NXPH2: variants seen among roughly 807,000 people sequenced by gnomAD.
The protein encoded by NXPH2 is neurexophilin-2.
In NXPH2, 5 loss-of-function variants were observed where a neutral mutation model predicts 19.8. That is an observed-to-expected ratio of 0.25 (90% CI 0.13 to 0.53). The LOEUF (loss-of-function observed/expected upper bound fraction) is 0.53. Ranked by LOEUF, NXPH2 falls within the 20% of genes least tolerant of loss-of-function variation. NXPH2 has a pLI of 0.96. For synonymous variants in NXPH2, 154 were observed against 127.4 expected (o/e 1.21, Z -1.41); for missense variants, 289 against 322.8 (o/e 0.90, Z 0.80).
At chr2:138,710,799 C>G (rs1246643799) in intron 1 of NXPH2, among the ~76,000 whole-genome samples, 1 of 152,156 alleles carries the variant, frequency 6.6e-6, no homozygotes, top group Admixed American at 6.5e-5. Context: ...CGTCTGTTTT[C>G]CACCCTGCTG....
Position 138,750,238 on chromosome 2 carries a change from T to C in NXPH2, c.51+29953A>G, listed in dbSNP as rs115671829. On this transcript the variant is annotated intron_variant, in intron 1 of 1. Transcript: ENST00000272641. ...TTCTTTTATAGCTCACCATATACTA[T>C]GCTCAAAGAAGCATTTTGTGAATGT... is the stretch of plus-strand genomic sequence containing the variant. 7.2e-3 allele frequency among the ~76,000 whole-genome samples: 1,092 copies of C among 152,288 alleles called. 15 individuals carry two copies. Among genetic ancestry groups the C allele is most frequent in the African/African-American group, 0.025 (1,040 of 41,560 alleles).
intron 1 of NXPH2, among the ~76,000 whole-genome samples, chr2:138,673,869 T>C (rs934320837): frequency 4.6e-5 from 7 of 152,136 alleles, no homozygotes; most frequent in African/African-American, 1.4e-4. Context: ...TTCCCAACCT[T>C]TGGTACTATC....
intron 1 of NXPH2, among the ~76,000 whole-genome samples, chr2:138,675,356 A>G (rs556811270): frequency 6.6e-6 from 1 of 152,292 alleles, no homozygotes; most frequent in South Asian, 2.1e-4. Context: ...ACTCATAAAA[A>G]TTGAGCCCAT....
At chr2:138,719,937 T>G (rs940451564) in intron 1 of NXPH2, among the ~76,000 whole-genome samples, 42 of 152,266 alleles carry the variant, frequency 2.8e-4, no homozygotes, top group African/African-American at 9.4e-4. Flanking sequence ...TATAAAAAAA[T>G]TATTACATTA....
intron 1 of NXPH2, among the ~76,000 whole-genome samples, chr2:138,686,768 T>TCCGTC (rs1680662229): frequency 6.6e-6 from 1 of 152,190 alleles, no homozygotes; most frequent in Non-Finnish European, 1.5e-5. Context: ...GTTCTCATTG[T>TCCGTC]TCAATTCCCA....
intron 1 of NXPH2, among the ~76,000 whole-genome samples, chr2:138,761,829 A>G (rs1278190656): frequency 2.0e-5 from 3 of 152,258 alleles, no homozygotes; most frequent in African/African-American, 7.2e-5. Flanking sequence ...AAAGGCAGGC[A>G]TCTAAAGCTA....
chr2:138,730,750 G>A (rs1312312094), intron 1 of NXPH2, among the ~76,000 whole-genome samples: 1 of 152,098 alleles, frequency 6.6e-6, no homozygotes, highest in East Asian at 1.9e-4. Context: ...CTTCTCAGCG[G>A]GTGCTCTGTA....
Position 138,780,226 on chromosome 2 carries a change from G to A in NXPH2, c.16C>T (p.Leu6=). The A allele has an allele frequency of 6.8e-7, 1 of 1,461,770 alleles. No individual in the cohort carries two copies. The highest frequency in any genetic ancestry group is 2.9e-5 in the East Asian group (1 of 34,480). 90.5% of individuals were successfully genotyped at this position (1,461,770 alleles called of 1,614,324 possible). A position where few individuals can be genotyped will look rare whatever the true frequency, so the allele number is the denominator to read the frequency against. Residue 6 remains leucine (L), a synonymous_variant, in exon 1 of 2, where the codon CTG becomes TTG. Transcript: ENST00000272641. The part of the protein sequence containing the change: MRLRP[L]PLVVVPGLLQ... ...AAGCCAGGGACCACCACGAGGGGCAGCGGCCGCAGGCGCATGGTGCCGGCT... is the reference window on the plus strand; with the variant it reads ...AAGCCAGGGACCACCACGAGGGGCAACGGCCGCAGGCGCATGGTGCCGGCT...
chr2:138,692,088 G>A (rs898103683), intron 1 of NXPH2, among the ~76,000 whole-genome samples: 4 of 152,170 alleles, frequency 2.6e-5, no homozygotes, highest in Admixed American at 2.6e-4. Flanking sequence ...TATAGATGAG[G>A]TTGTCTGAAT....
rs114190429 is a variant in NXPH2, at chr2:138,699,094, T to C, written c.52-27429A>G. The stretch of plus-strand genomic sequence containing the variant: ...TTGAAAATGTATGTGAATGTATGTA[T>C]GTACATAAACATATATATACACATA... On this transcript the variant is annotated intron_variant, in intron 1 of 1. Transcript: ENST00000272641. 1.5e-3 allele frequency among the ~76,000 whole-genome samples: 227 copies of C among 152,306 alleles called. 3 individuals carry two copies. Among genetic ancestry groups the C allele is most frequent in the African/African-American group, 5.2e-3 (218 of 41,576 alleles).
intron 1 of NXPH2, among the ~76,000 whole-genome samples, chr2:138,728,600 GC>G (rs1681397378): frequency 6.6e-6 from 1 of 152,072 alleles, no homozygotes; most frequent in South Asian, 2.1e-4. Flanking sequence ...CAAAAAGAAG[GC>G]TTTTTACCTG....
At chr2:138,679,827 T>A (rs1181165832) in intron 1 of NXPH2, among the ~76,000 whole-genome samples, 1 of 152,208 alleles carries the variant, frequency 6.6e-6, no homozygotes. Flanking sequence ...ATTTTATTTT[T>A]GCAGGATTAA....
At chr2:138,732,778 C>G (rs1320500072) in intron 1 of NXPH2, among the ~76,000 whole-genome samples, 1 of 152,146 alleles carries the variant, frequency 6.6e-6, no homozygotes, top group Non-Finnish European at 1.5e-5. Context: ...ATTCTTAACA[C>G]TGTACCTCTT....
intron 1 of NXPH2, among the ~76,000 whole-genome samples, chr2:138,742,730 T>G (rs975969453): frequency 6.6e-6 from 1 of 152,182 alleles, no homozygotes; most frequent in African/African-American, 2.4e-5. Flanking sequence ...CAGCTTTATT[T>G]GATGAACCCA....
intron 1 of NXPH2, among the ~76,000 whole-genome samples, chr2:138,769,869 T>C (rs1682148275): frequency 6.6e-6 from 1 of 152,136 alleles, no homozygotes; most frequent in Admixed American, 6.5e-5. Context: ...GGCACTCCCC[T>C]AGCTACCATT....
At chr2:138,673,804 T>A (rs1461810001) in intron 1 of NXPH2, among the ~76,000 whole-genome samples, 15 of 151,832 alleles carry the variant, frequency 9.9e-5, no homozygotes, top group Non-Finnish European at 1.3e-4. Context: ...CATCTAACTG[T>A]GTTTGTACTC....
intron 1 of NXPH2, among the ~76,000 whole-genome samples, chr2:138,772,209 T>C: frequency 6.6e-6 from 1 of 152,232 alleles, no homozygotes; most frequent in Non-Finnish European, 1.5e-5. Flanking sequence ...TGATCCTAAC[T>C]GGAGCCACAT....
At chr2:138,758,860 A>G (rs1681956164) in intron 1 of NXPH2, among the ~76,000 whole-genome samples, 1 of 152,148 alleles carries the variant, frequency 6.6e-6, no homozygotes, top group African/African-American at 2.4e-5. Flanking sequence ...AAAATGAGAG[A>G]CAGCTGGTTG....
chr2:138,728,600 G>C (rs72869502), intron 1 of NXPH2, among the ~76,000 whole-genome samples: 1 of 152,072 alleles, frequency 6.6e-6, no homozygotes, highest in Admixed American at 6.6e-5. Flanking sequence ...CAAAAAGAAG[G>C]CTTTTTACCT....
Sources: gnomAD v4.1 joint callset for allele counts (sites outside exome capture counted in the v4.1 genomes callset) on GRCh38, gnomAD v4.1.1 for gene constraint, MANE v1.5 for transcripts, NCBI Gene and HGNC (gene_info 2026-07-23, HGNC 2026-07-21) for gene names.